Variants in CNTN5 observed in about 807,000 individuals in gnomAD.
The protein encoded by CNTN5 is contactin-5.
Under a neutral mutation model 129.1 loss-of-function variants are expected in CNTN5, and 77 were observed. That is an observed-to-expected ratio of 0.60 (90% CI 0.50 to 0.72). The LOEUF (loss-of-function observed/expected upper bound fraction) is 0.72, where lower values mean the gene tolerates loss of function less well. CNTN5 is among the 30% of genes least tolerant of loss of function. The probability of loss-of-function intolerance (pLI) is 0.00; values close to 1 mark genes in which losing one functional copy is unlikely to be tolerated. For synonymous variants in CNTN5, 509 were observed against 465.6 expected (o/e 1.09, Z -1.20); for missense variants, 1,478 against 1,328.8 (o/e 1.11, Z -1.75).
intron 2 of CNTN5, among the ~76,000 whole-genome samples, chr11:99,505,928 A>G (rs1216958126): frequency 1.3e-5 from 2 of 152,222 alleles, no homozygotes; most frequent in Non-Finnish European, 2.9e-5. Flanking sequence ...CTAATTGCCA[A>G]TTCCGAACTC....
chr11:100,040,293 G>T (rs779511207), intron 9 of CNTN5, among the ~76,000 whole-genome samples: 1 of 152,198 alleles, frequency 6.6e-6, no homozygotes, highest in Non-Finnish European at 1.5e-5. Context: ...AGATATTGGA[G>T]AACTGCAGAT....
At chr11:99,723,628 T>A (rs1473354228) in intron 3 of CNTN5, among the ~76,000 whole-genome samples, 1 of 152,206 alleles carries the variant, frequency 6.6e-6, no homozygotes, top group Non-Finnish European at 1.5e-5. Context: ...ATTTGGTTTA[T>A]TGTGCATTCT....
At chr11:99,073,335 C>G (rs1865415713) in intron 1 of CNTN5, among the ~76,000 whole-genome samples, 1 of 145,366 alleles carries the variant, frequency 6.9e-6, no homozygotes, top group Non-Finnish European at 1.5e-5. Context: ...CAGACATGTG[C>G]ATGCGTTATA....
At chr11:99,934,898 GTATATATATATATATATATATATA>G (rs200635742) in intron 7 of CNTN5, among the ~76,000 whole-genome samples, 1,290 of 67,916 alleles carry the variant, frequency 0.019, 57 homozygotes, top group Middle Eastern at 0.074. Context: ...GTGTGTGTGT[GTATATATATATATATATATATATA>G]TATATATATA....
At chr11:99,921,988 A>G (rs1469460554) in intron 7 of CNTN5, among the ~76,000 whole-genome samples, 1 of 152,172 alleles carries the variant, frequency 6.6e-6, no homozygotes, top group Non-Finnish European at 1.5e-5. Context: ...TCTCTTGGGA[A>G]AATATAGTCA....
intron 3 of CNTN5, among the ~76,000 whole-genome samples, chr11:99,805,947 A>G (rs935812188): frequency 1.3e-5 from 2 of 152,346 alleles, no homozygotes; most frequent in African/African-American, 4.8e-5. Context: ...CTTAGGGACA[A>G]TCTCAAAATG....
At chr11:99,835,561 A>C (rs1470365973) in intron 4 of CNTN5, among the ~76,000 whole-genome samples, 1 of 152,200 alleles carries the variant, frequency 6.6e-6, no homozygotes, top group Non-Finnish European at 1.5e-5. Context: ...TTTAAAATCC[A>C]AAACAAGAAC....
At chr11:99,862,758 C>T (rs918234058) in intron 6 of CNTN5, among the ~76,000 whole-genome samples, 1 of 152,170 alleles carries the variant, frequency 6.6e-6, no homozygotes, top group Non-Finnish European at 1.5e-5. Flanking sequence ...AAGAGAAAAG[C>T]AGCTCATTGG....
chr11:100,108,343 A>T (rs1945527602), intron 13 of CNTN5, among the ~76,000 whole-genome samples: 1 of 152,156 alleles, frequency 6.6e-6, no homozygotes, highest in South Asian at 2.1e-4. Context: ...GCTACATGGA[A>T]GTGGAAAGAG....
At chr11:99,458,057 A>G (rs959465131) in intron 2 of CNTN5, among the ~76,000 whole-genome samples, 37 of 151,900 alleles carry the variant, frequency 2.4e-4, no homozygotes, top group Admixed American at 4.6e-4. Flanking sequence ...GATCAAAACT[A>G]TATACATTTA....
At chr11:99,301,963 A>G (rs1254993544) in intron 1 of CNTN5, among the ~76,000 whole-genome samples, 2 of 151,692 alleles carry the variant, frequency 1.3e-5, no homozygotes, top group South Asian at 2.1e-4. Flanking sequence ...TAAAAAACAC[A>G]CTACTAAAAA....
chr11:100,022,215 A>G lies in CNTN5; in HGVS notation c.980+20079A>G, dbSNP rs150566128. On this transcript the variant is annotated intron_variant, in intron 9 of 24. Transcript: ENST00000524871. Reference sequence around the variant, plus strand: ...CACAGCATTATTTGCAAGGTGTATTATTTAACCTGCTATTACTTTTAAACC... The same window carrying G: ...CACAGCATTATTTGCAAGGTGTATTGTTTAACCTGCTATTACTTTTAAACC... Among the ~76,000 whole-genome samples the G allele has an allele frequency of 2.0e-3, 304 of 152,332 alleles. 2 individuals carry two copies. The highest frequency in any genetic ancestry group is 7.1e-3 in the African/African-American group (294 of 41,586).
chr11:99,660,714 C>T (rs1429557906), intron 3 of CNTN5, among the ~76,000 whole-genome samples: 1 of 151,952 alleles, frequency 6.6e-6, no homozygotes, highest in East Asian at 1.9e-4. Context: ...AATAATTGTT[C>T]CAATGTAACA....
chr11:99,650,698 T>C (rs1952122501), intron 3 of CNTN5, among the ~76,000 whole-genome samples: 1 of 151,952 alleles, frequency 6.6e-6, no homozygotes, highest in East Asian at 1.9e-4. Flanking sequence ...TCTTGTGTGA[T>C]CCTTCTACTA....
intron 1 of CNTN5, among the ~76,000 whole-genome samples, chr11:99,046,520 A>G (rs1009476039): frequency 6.6e-6 from 1 of 151,638 alleles, no homozygotes; most frequent in East Asian, 1.9e-4. Context: ...GTTTCATAAA[A>G]CTCCTTTATG....
chr11:100,275,995 G>A (rs528900623), intron 18 of CNTN5, among the ~76,000 whole-genome samples: 1 of 152,302 alleles, frequency 6.6e-6, no homozygotes, highest in East Asian at 1.9e-4. Context: ...TATTTTAAAA[G>A]ATAATGCTGC....
intron 14 of CNTN5, among the ~76,000 whole-genome samples, chr11:100,191,620 T>C (rs1948497091): frequency 6.6e-6 from 1 of 152,042 alleles, no homozygotes; most frequent in Non-Finnish European, 1.5e-5. Flanking sequence ...TACTCTGTTA[T>C]CACTTCAACT....
At chr11:99,611,994 A>T (rs536702085) in intron 3 of CNTN5, among the ~76,000 whole-genome samples, 2 of 152,180 alleles carry the variant, frequency 1.3e-5, no homozygotes, top group African/African-American at 2.4e-5. Flanking sequence ...ATCCATACTC[A>T]TGATTGCATT....
chr11:99,398,627 G>T (rs1224000787), intron 2 of CNTN5, among the ~76,000 whole-genome samples: 2 of 151,786 alleles, frequency 1.3e-5, no homozygotes, highest in Non-Finnish European at 1.5e-5. Context: ...TTTCAGAATG[G>T]CTGTATTTCA....
Sources: gnomAD v4.1 joint callset for allele counts (sites outside exome capture counted in the v4.1 genomes callset) on GRCh38, gnomAD v4.1.1 for gene constraint, MANE v1.5 for transcripts, NCBI Gene and HGNC (gene_info 2026-07-23, HGNC 2026-07-21) for gene names.